The following PNKD variants were observed in gnomAD, a reference collection of about 807,000 sequenced individuals.
PNKD encodes probable thioesterase PNKD.
PNKD carries 36 observed loss-of-function variants against 45.3 expected under a neutral mutation model. That is an observed-to-expected ratio of 0.80 (90% CI 0.61 to 1.05). The LOEUF (loss-of-function observed/expected upper bound fraction) is 1.05, where lower values mean the gene tolerates loss of function less well. Ranked by LOEUF, PNKD falls within the 50% of genes least tolerant of loss-of-function variation. The pLI, the probability that PNKD is intolerant of heterozygous loss-of-function variation, is 0.00. For synonymous variants in PNKD, 197 were observed against 210.1 expected (o/e 0.94, Z 0.54); for missense variants, 511 against 506.6 (o/e 1.01, Z -0.08).
chr2:218,277,193 A>G (rs1485191178), intron 2 of PNKD: 1 of 1,221,448 alleles, frequency 8.2e-7, no homozygotes, highest in African/African-American at 1.5e-5. Flanking sequence ...GCTGCCTCCT[A>G]GGGGGTATGG....
chr2:218,324,483 T>A (rs1694085960), intron 2 of PNKD, among the ~76,000 whole-genome samples: 1 of 152,166 alleles, frequency 6.6e-6, no homozygotes, highest in African/African-American at 2.4e-5. Flanking sequence ...AAAGGCAGGA[T>A]AACTAGAAAA....
intron 2 of PNKD, among the ~76,000 whole-genome samples, chr2:218,329,658 CTT>C (rs1694262993): frequency 6.6e-6 from 1 of 152,240 alleles, no homozygotes. Flanking sequence ...GGGATCTCCT[CTT>C]TTGACCACGG....
At position 218,271,509 on chromosome 2, in the gene PNKD, AAG is replaced by A. The variant is rs768975350; in HGVS notation, c.199_200del (p.Arg67GlyfsTer39). ...LSPELEYIPR[K>X]RGKNPMKAVG... ...CCCGGAGCTGGAATACATTCCCAGA[AAG>A]AGGGGCAAGAACCCCATGAAAGCTG... On this transcript the variant is annotated frameshift_variant, in exon 2 of 10. Coordinates refer to ENST00000273077, the MANE Select transcript of PNKD (RefSeq NM_015488.5). LOFTEE classifies it high-confidence loss of function. 1 of 1,614,174 alleles carries A rather than the reference AAG, an allele frequency of 6.2e-7. No homozygotes were observed. Among genetic ancestry groups the A allele is most frequent in the South Asian group, 1.1e-5 (1 of 91,088 alleles).
At chr2:218,282,162 G>A in intron 2 of PNKD, 1 of 1,455,892 alleles carries the variant, frequency 6.9e-7, no homozygotes, top group Non-Finnish European at 9.1e-7. Context: ...GGGCTGAGGG[G>A]GAACCCCAGC....
At chr2:218,315,199 T>C (rs961401965) in intron 2 of PNKD, among the ~76,000 whole-genome samples, 4 of 150,832 alleles carry the variant, frequency 2.7e-5, no homozygotes, top group African/African-American at 7.3e-5. Flanking sequence ...TGGAGTGCAG[T>C]GGCGTGATCT....
chr2:218,309,581 G>A (rs1693538169), intron 2 of PNKD, among the ~76,000 whole-genome samples: 2 of 151,958 alleles, frequency 1.3e-5, no homozygotes, highest in African/African-American at 4.8e-5. Context: ...CAGTTTATGG[G>A]AAAATATAAA....
At chr2:218,302,348 A>AAAAAAC (rs940944710) in intron 2 of PNKD, among the ~76,000 whole-genome samples, 3 of 151,976 alleles carry the variant, frequency 2.0e-5, no homozygotes, top group Non-Finnish European at 4.4e-5. Context: ...ACTGCATCTC[A>AAAAAAC]AAAAACAAAA....
intron 2 of PNKD, among the ~76,000 whole-genome samples, chr2:218,318,705 C>T (rs1208785227): frequency 6.6e-6 from 1 of 152,210 alleles, no homozygotes; most frequent in Non-Finnish European, 1.5e-5. Context: ...GTGGTGCCAA[C>T]ACAGGTCCCT....
At chr2:218,311,290 T>C (rs1693609310) in intron 2 of PNKD, among the ~76,000 whole-genome samples, 1 of 152,134 alleles carries the variant, frequency 6.6e-6, no homozygotes. Context: ...ATATTTCTCA[T>C]CAGGTGGGAC....
At chr2:218,303,566 C>A (rs1693328772) in intron 2 of PNKD, among the ~76,000 whole-genome samples, 1 of 145,862 alleles carries the variant, frequency 6.9e-6, no homozygotes, top group Non-Finnish European at 1.5e-5. Context: ...CATCCCAGAC[C>A]TGCACTTCTT....
chr2:218,332,475 AGCCCTTGGCAGG>A (rs1459433375), intron 2 of PNKD, among the ~76,000 whole-genome samples: 10 of 152,140 alleles, frequency 6.6e-5, no homozygotes, highest in Non-Finnish European at 1.0e-4. Context: ...GTCCTGTGGA[AGCCCTTGGCAGG>A]GCAGGGCACA....
chr2:218,286,509 C>G (rs1459870882), intron 2 of PNKD: 1 of 152,402 alleles, frequency 6.6e-6, no homozygotes. Flanking sequence ...CCCCAGTCCC[C>G]CATTAGGAAG....
intron 2 of PNKD, among the ~76,000 whole-genome samples, chr2:218,336,690 A>T (rs757089862): frequency 1.3e-5 from 2 of 151,520 alleles, no homozygotes; most frequent in Non-Finnish European, 2.9e-5. Flanking sequence ...CATGTTGCCC[A>T]GTCTGGTCTC....
chr2:218,272,405 G>A (rs1458498024), intron 2 of PNKD, among the ~76,000 whole-genome samples: 9 of 152,162 alleles, frequency 5.9e-5, no homozygotes, highest in African/African-American at 2.2e-4. Flanking sequence ...GAAGTGACAG[G>A]ATCTGATTTG....
At position 218,291,877 on chromosome 2, in the gene PNKD, G is replaced by A. The variant is rs569396001; in HGVS notation, c.236+20328G>A. ...GGGCAAAGTCATGGTGATAGAGGTGGCCACTTCCCCATGCCAAACACTTGA... is the reference window on the plus strand; with the variant it reads ...GGGCAAAGTCATGGTGATAGAGGTGACCACTTCCCCATGCCAAACACTTGA... On this transcript the variant is annotated intron_variant, in intron 2 of 9. Coordinates refer to ENST00000273077, the MANE Select transcript of PNKD (RefSeq NM_015488.5). Among the ~76,000 whole-genome samples the A allele has an allele frequency of 2.1e-4, 32 of 152,260 alleles. No individual in the cohort carries two copies. In the South Asian group the frequency reaches 6.4e-3, roughly 31 times the overall value.
At position 218,340,280 on chromosome 2, in the gene PNKD, G is replaced by A. The variant is rs759410696; in HGVS notation, c.465+139G>A. ...GCTCCATGTTCACACGTGCACATGC[G>A]CACACATAGCCTGGGGAAGGGGGGT... On this transcript the variant is annotated intron_variant, in intron 4 of 9. Coordinates refer to ENST00000273077, the MANE Select transcript of PNKD (RefSeq NM_015488.5). The surrounding 1 kb of genome is among the most constrained non-coding windows in gnomAD (Gnocchi z 4.2). The A allele has an allele frequency of 2.6e-4, 173 of 662,698 alleles. No individual in the cohort carries two copies. Among genetic ancestry groups the A allele is most frequent in the Non-Finnish European group, 3.6e-4 (132 of 364,882 alleles). 41.1% of individuals were successfully genotyped at this position (662,698 alleles called of 1,614,324 possible).
At chr2:218,294,524 ACT>A (rs1472122385) in intron 2 of PNKD, among the ~76,000 whole-genome samples, 1 of 152,026 alleles carries the variant, frequency 6.6e-6, no homozygotes, top group Middle Eastern at 3.2e-3. Context: ...ATGGAATCTC[ACT>A]CTGTGCAATG....
At chr2:218,289,534 C>T (rs1459562341) in intron 2 of PNKD, among the ~76,000 whole-genome samples, 2 of 140,404 alleles carry the variant, frequency 1.4e-5, no homozygotes, top group African/African-American at 2.6e-5. Context: ...CCCAGCTTCT[C>T]GGGAGGCTGA....
chr2:218,315,417 A>G (rs1338204561), intron 2 of PNKD, among the ~76,000 whole-genome samples: 1 of 151,528 alleles, frequency 6.6e-6, no homozygotes, highest in Non-Finnish European at 1.5e-5. Flanking sequence ...TCGGCCTCCC[A>G]AAGTGCTGGG....
Sources: allele counts gnomAD v4.1 joint callset (sites outside exome capture counted in the v4.1 genomes callset), GRCh38; gene constraint gnomAD v4.1.1; non-coding constraint Gnocchi (gnomAD v3.1); transcripts MANE v1.5; gene names NCBI Gene and HGNC (gene_info 2026-07-23, HGNC 2026-07-21).